Variants in PCDH15 observed in about 807,000 individuals in gnomAD.
The protein encoded by PCDH15 is protocadherin-15.
In PCDH15, 129 loss-of-function variants were observed where a neutral mutation model predicts 178.5. That is an observed-to-expected ratio of 0.72 (90% confidence interval 0.63 to 0.84). The LOEUF (loss-of-function observed/expected upper bound fraction) is 0.84. PCDH15 is among the 40% of genes least tolerant of loss of function. The pLI is 0.00. For synonymous variants in PCDH15, 800 were observed against 732.0 expected (o/e 1.09, Z -1.50); for missense variants, 2,230 against 2,099.9 (o/e 1.06, Z -1.21).
intron 1 of PCDH15, among the ~76,000 whole-genome samples, chr10:54,722,563 G>A (rs35057515): frequency 6.8e-6 from 1 of 146,226 alleles, no homozygotes; most frequent in African/African-American, 2.5e-5. Flanking sequence ...TAAAGAAAAG[G>A]CATTGCAATT....
intron 2 of PCDH15, among the ~76,000 whole-genome samples, chr10:55,367,544 G>A (rs999700192): frequency 3.3e-5 from 5 of 152,120 alleles, no homozygotes; most frequent in African/African-American, 1.2e-4. Context: ...TCATGCCACT[G>A]TACCTCAGCC....
At position 53,897,959 on chromosome 10, in the gene PCDH15, C is replaced by CTTT. The variant is rs66513139; in HGVS notation, c.3501+5281_3501+5283dup. Among the ~76,000 whole-genome samples the CTTT allele has an allele frequency of 1.8e-3, 146 of 82,404 alleles. 3 individuals are homozygous for CTTT. Among genetic ancestry groups the CTTT allele is most frequent in the African/African-American group, 3.7e-3 (68 of 18,410 alleles). The allele number at this position is 82,404 out of a possible 152,430, so 54.1% of individuals were successfully genotyped here. ...TGAACATATGTGTTGTTTCTTTTCC[C>CTTT]TTTTTTTTTTTTTTTTTTTTTTTTT... On this transcript the variant is annotated intron_variant, in intron 26 of 37. Transcript: ENST00000644397.
intron 16 of PCDH15, among the ~76,000 whole-genome samples, chr10:54,087,896 G>T (rs1355857504): frequency 1.3e-5 from 2 of 152,116 alleles, no homozygotes; most frequent in Non-Finnish European, 2.9e-5. Context: ...CAGGAGATCT[G>T]CCTGTTTAAA....
At chr10:54,629,670 G>A (rs559571700) in intron 2 of PCDH15, among the ~76,000 whole-genome samples, 3 of 151,940 alleles carry the variant, frequency 2.0e-5, no homozygotes, top group Non-Finnish European at 4.4e-5. Context: ...ATACCCCTTG[G>A]GAACTGGAGC....
chr10:55,193,957 A>T (rs1840012906), intron 1 of PCDH15, among the ~76,000 whole-genome samples: 1 of 152,052 alleles, frequency 6.6e-6, no homozygotes, highest in Admixed American at 6.5e-5. Flanking sequence ...AATTTACTGA[A>T]TAATACTAAT....
At chr10:54,859,574 T>C (rs1564576981) in intron 3 of PCDH15, among the ~76,000 whole-genome samples, 2 of 152,128 alleles carry the variant, frequency 1.3e-5, no homozygotes, top group East Asian at 2.0e-4. Flanking sequence ...CCCGAGCTTT[T>C]TCTAGTTCTG....
chr10:54,467,428 CTCTT>C, intron 3 of PCDH15, among the ~76,000 whole-genome samples: 1 of 151,914 alleles, frequency 6.6e-6, no homozygotes, highest in Non-Finnish European at 1.5e-5. Context: ...GTCCTTCACC[CTCTT>C]TATGTGATGT....
At chr10:53,992,020 G>A (rs1290729109) in intron 21 of PCDH15, among the ~76,000 whole-genome samples, 1 of 152,034 alleles carries the variant, frequency 6.6e-6, no homozygotes, top group African/African-American at 2.4e-5. Context: ...TCTTGCTGCT[G>A]CTTACTGTTT....
At chr10:54,117,312 T>C (rs531345413) in intron 15 of PCDH15, among the ~76,000 whole-genome samples, 1 of 152,162 alleles carries the variant, frequency 6.6e-6, no homozygotes, top group East Asian at 1.9e-4. Flanking sequence ...TTGGACCAGA[T>C]GCAGGCACCT....
In PCDH15 at chr10:53,855,904, G is replaced by GTATATATATATATATA. The variant is rs56290679; in HGVS notation, c.3806+1255_3806+1270dup. Among the ~76,000 whole-genome samples, 154 of 109,668 alleles carry GTATATATATATATATA rather than the reference G, an allele frequency of 1.4e-3. 12 individuals are homozygous for GTATATATATATATATA. The highest frequency in any genetic ancestry group is 7.7e-3 in the South Asian group (21 of 2,712). The allele number at this position is 109,668 out of a possible 152,430, so 71.9% of individuals were successfully genotyped here. Reference sequence around the variant, plus strand: ...TAAAAGTTAAAAAAAAAGGTGATATGTATATATATATATATATGTATGTGT... The same window carrying GTATATATATATATATA: ...TAAAAGTTAAAAAAAAAGGTGATATGTATATATATATATATATATATATATATATATATGTATGTGT... On this transcript the variant is annotated intron_variant, in intron 28 of 37. Coordinates refer to ENST00000644397, the MANE Select transcript of PCDH15 (RefSeq NM_001384140.1).
intron 2 of PCDH15, among the ~76,000 whole-genome samples, chr10:55,129,537 C>T (rs1490178755): frequency 6.6e-6 from 1 of 152,118 alleles, no homozygotes; most frequent in Non-Finnish European, 1.5e-5. Flanking sequence ...CAATTCTTCT[C>T]TCTTATGACA....
At chr10:54,416,966 G>A (rs1954509399) in intron 3 of PCDH15, among the ~76,000 whole-genome samples, 1 of 151,926 alleles carries the variant, frequency 6.6e-6, no homozygotes, top group Admixed American at 6.6e-5. Context: ...TTTTTGATGG[G>A]GTTGTTTTTT....
intron 8 of PCDH15, among the ~76,000 whole-genome samples, chr10:54,255,642 G>A (rs2056839509): frequency 1.3e-5 from 2 of 152,048 alleles, no homozygotes; most frequent in African/African-American, 4.8e-5. Context: ...TTATCTAACT[G>A]GTAGCCATAC....
In PCDH15 at chr10:53,843,656, C is replaced by A. The variant is rs781695462; in HGVS notation, c.3807-3160G>T. On this transcript the variant is annotated intron_variant, in intron 28 of 37. Transcript: ENST00000644397. ...CAATATAGTTATATTTTTAAAAAAT[C>A]TCCTTAACTCCCTATTTCCTCTCCC... is the stretch of plus-strand genomic sequence containing the variant. 3.7e-4 allele frequency among the ~76,000 whole-genome samples: 56 copies of A among 151,876 alleles called. 1 individual carries two copies. The highest frequency in any genetic ancestry group is 7.2e-4 in the Admixed American group (11 of 15,232).
intron 3 of PCDH15, among the ~76,000 whole-genome samples, chr10:54,502,245 A>G (rs2137464639): frequency 6.6e-6 from 1 of 152,252 alleles, no homozygotes; most frequent in South Asian, 2.1e-4. Context: ...TAGAATATAT[A>G]TTCATATACA....
chr10:54,062,247 A>AAAAAAC, intron 18 of PCDH15, among the ~76,000 whole-genome samples: 1 of 125,716 alleles, frequency 8.0e-6, no homozygotes, highest in Non-Finnish European at 1.6e-5. Flanking sequence ...AAAAAAAAAA[A>AAAAAAC]AAAAACAAAA....
chr10:54,141,676 G>C (rs1333786827), intron 14 of PCDH15, among the ~76,000 whole-genome samples: 1 of 151,568 alleles, frequency 6.6e-6, no homozygotes, highest in Non-Finnish European at 1.5e-5. Context: ...AATTGAATTA[G>C]GTAGTAATTG....
intron 25 of PCDH15, among the ~76,000 whole-genome samples, chr10:53,917,572 T>C (rs968219335): frequency 6.6e-6 from 1 of 152,146 alleles, no homozygotes; most frequent in Admixed American, 6.5e-5. Flanking sequence ...ACATGGGCAG[T>C]TTTGAACTTT....
At chr10:54,249,837 G>A (rs1391278219) in intron 8 of PCDH15, among the ~76,000 whole-genome samples, 3 of 151,576 alleles carry the variant, frequency 2.0e-5, no homozygotes, top group East Asian at 1.9e-4. Flanking sequence ...AATTATAGGT[G>A]GAATTTTAAT....
Sources: gnomAD v4.1 joint callset for allele counts (sites outside exome capture counted in the v4.1 genomes callset) on GRCh38, gnomAD v4.1.1 for gene constraint, MANE v1.5 for transcripts, NCBI Gene and HGNC (gene_info 2026-07-23, HGNC 2026-07-21) for gene names.